The following DLC1 variants were observed in gnomAD, a reference collection of about 807,000 sequenced individuals.
DLC1 encodes the protein DLC1 Rho GTPase activating protein.
In DLC1, 54 loss-of-function variants were observed where a neutral mutation model predicts 140.3. The observed-to-expected ratio is 0.38, with a 90% CI of 0.31 to 0.48. The LOEUF is 0.48. Among genes scored for constraint, DLC1 ranks in the 20% least tolerant of loss-of-function variants. The probability of loss-of-function intolerance (pLI) is 0.96; values close to 1 mark genes in which losing one functional copy is unlikely to be tolerated. For synonymous variants in DLC1, 986 were observed against 728.1 expected, an observed-to-expected ratio of 1.35 and a Z score of -5.70; for missense variants, 2,536 against 1,907.0, an observed-to-expected ratio of 1.33 and a Z score of -6.14.
At chr8:13,379,927 T>A (rs1004843328) in intron 4 of DLC1, among the ~76,000 whole-genome samples, 1 of 152,176 alleles carries the variant, frequency 6.6e-6, no homozygotes, top group South Asian at 2.1e-4. Context: ...TTCTCACTCA[T>A]ATGTGGGAGC....
chr8:13,299,003 T>C (rs1473671572), intron 5 of DLC1, among the ~76,000 whole-genome samples: 2 of 152,370 alleles, frequency 1.3e-5, no homozygotes, highest in African/African-American at 4.8e-5. Flanking sequence ...TTACTCCATA[T>C]TAATAGTTCT....
intron 5 of DLC1, among the ~76,000 whole-genome samples, chr8:13,191,246 C>A (rs553952790): frequency 6.6e-6 from 1 of 152,174 alleles, no homozygotes; most frequent in Non-Finnish European, 1.5e-5. Flanking sequence ...GTGGCTCATG[C>A]CTGTAATCCC....
chr8:13,351,133 A>G (rs1459611366), intron 4 of DLC1, among the ~76,000 whole-genome samples: 1 of 152,214 alleles, frequency 6.6e-6, no homozygotes, highest in East Asian at 1.9e-4. Context: ...TTCTTTCTAA[A>G]TATTTTCAAA....
intron 5 of DLC1, among the ~76,000 whole-genome samples, chr8:13,233,294 A>AT (rs1563185174): frequency 2.1e-4 from 2 of 9,366 alleles, no homozygotes; most frequent in African/African-American, 2.9e-4. Context: ...GACTCTGTAT[A>AT]AAAAAAAAAA....
At chr8:13,569,674 G>C (rs775088199) in intron 1 of DLC1, among the ~76,000 whole-genome samples, 3 of 152,104 alleles carry the variant, frequency 2.0e-5, no homozygotes, top group African/African-American at 4.8e-5. Flanking sequence ...TCAGCATACA[G>C]TTCCCAAATG....
At chr8:13,138,121 C>T (rs961495255) in intron 5 of DLC1, among the ~76,000 whole-genome samples, 32 of 152,040 alleles carry the variant, frequency 2.1e-4, no homozygotes, top group African/African-American at 7.7e-4. Flanking sequence ...TTGCATTTTT[C>T]CCACTGTAAT....
intron 1 of DLC1, among the ~76,000 whole-genome samples, chr8:13,504,121 ATTTT>A (rs370240794): frequency 8.7e-5 from 11 of 126,448 alleles, no homozygotes; most frequent in African/African-American, 3.3e-4. Flanking sequence ...ATTTCAGAGA[ATTTT>A]TTTTTTTTTT....
intron 1 of DLC1, among the ~76,000 whole-genome samples, chr8:13,532,578 TTCTC>T (rs61307108): frequency 0.22 from 32,275 of 149,796 alleles, 4,308 homozygotes; most frequent in Middle Eastern, 0.36. Context: ...CTCTCTCTCT[TTCTC>T]TCTCTCTCTC....
intron 5 of DLC1, among the ~76,000 whole-genome samples, chr8:13,272,530 G>C (rs1830978262): frequency 6.6e-6 from 1 of 152,034 alleles, no homozygotes; most frequent in Admixed American, 6.6e-5. Flanking sequence ...TTTTAGTTGA[G>C]TTAAATTACA....
At chr8:13,492,500 G>C (rs376731983) in intron 2 of DLC1, among the ~76,000 whole-genome samples, 2 of 145,630 alleles carry the variant, frequency 1.4e-5, no homozygotes, top group African/African-American at 2.5e-5. Context: ...TACTCTCTCT[G>C]TCTCTCTCTC....
chr8:13,382,118 A>T (rs1836289279), intron 4 of DLC1, among the ~76,000 whole-genome samples: 1 of 152,178 alleles, frequency 6.6e-6, no homozygotes, highest in South Asian at 2.1e-4. Flanking sequence ...GGTAATGTAG[A>T]AAGTAAAAAA....
chr8:13,428,577 C>A (rs1838708179), intron 2 of DLC1, among the ~76,000 whole-genome samples: 1 of 152,102 alleles, frequency 6.6e-6, no homozygotes, highest in African/African-American at 2.4e-5. Flanking sequence ...GTTTTTATCT[C>A]ACAGAACACT....
At chr8:13,088,061 T>C (rs1161095999) in intron 16 of DLC1, among the ~76,000 whole-genome samples, 1 of 152,224 alleles carries the variant, frequency 6.6e-6, no homozygotes, top group Admixed American at 6.5e-5. Flanking sequence ...AGGTGTTCAC[T>C]ACTTTTCTGG....
chr8:13,346,558 A>T (rs1281668767), intron 4 of DLC1, among the ~76,000 whole-genome samples: 1 of 152,204 alleles, frequency 6.6e-6, no homozygotes, highest in Non-Finnish European at 1.5e-5. Context: ...GTAAAGTTTA[A>T]TTGTTCTAGT....
At chr8:13,299,541 A>C (rs1832098585) in intron 5 of DLC1, among the ~76,000 whole-genome samples, 1 of 134,570 alleles carries the variant, frequency 7.4e-6, no homozygotes, top group Non-Finnish European at 1.5e-5. Flanking sequence ...ATCTCCGCCT[A>C]TCATCTGGTG....
intron 5 of DLC1, among the ~76,000 whole-genome samples, chr8:13,220,270 G>C (rs1376874511): frequency 6.6e-6 from 1 of 152,068 alleles, no homozygotes; most frequent in African/African-American, 2.4e-5. Context: ...TGAAGAAGGT[G>C]GGCTTCTGAG....
chr8:13,421,940 T>C (rs958705339), intron 2 of DLC1, among the ~76,000 whole-genome samples: 17 of 152,136 alleles, frequency 1.1e-4, no homozygotes. Flanking sequence ...AAGGGACCCA[T>C]ATGTTTCTAT....
chr8:13,538,217 C>T (rs1426853362), intron 1 of DLC1, among the ~76,000 whole-genome samples: 1 of 152,072 alleles, frequency 6.6e-6, no homozygotes, highest in Non-Finnish European at 1.5e-5. Context: ...AGCTTTCATG[C>T]TGTTTTTCTC....
chr8:13,122,656 A>T (rs545258653), intron 5 of DLC1, among the ~76,000 whole-genome samples: 1 of 152,294 alleles, frequency 6.6e-6, no homozygotes, highest in South Asian at 2.1e-4. Context: ...ATTCCTAGTA[A>T]GGTTAAGACA....
Sources: allele counts gnomAD v4.1 joint callset (sites outside exome capture counted in the v4.1 genomes callset), GRCh38; gene constraint gnomAD v4.1.1; transcripts MANE v1.5; gene names NCBI Gene and HGNC (gene_info 2026-07-23, HGNC 2026-07-21).